Variants in COX20 observed in about 807,000 individuals in gnomAD.
COX20 encodes cytochrome c oxidase assembly factor COX20, also known as cytochrome c oxidase assembly protein COX20, mitochondrial.
A neutral mutation model predicts 14.3 loss-of-function variants in COX20; 14 were observed. The observed-to-expected ratio is 0.98, with a 90% CI of 0.65 to 1.53. The LOEUF (loss-of-function observed/expected upper bound fraction) is 1.53, where lower values mean the gene tolerates loss of function less well. Ranked by LOEUF, COX20 falls within the 40% of genes most tolerant of loss-of-function variation. The pLI is 0.00. For missense variants in COX20, 149 were observed against 142.1 expected (o/e 1.05, Z -0.25); for synonymous variants, 56 against 51.7 (o/e 1.08, Z -0.36).
At chr1:244,835,412 G>A (rs1679927090), upstream of COX20, 8 of 332,014 alleles carry the variant, frequency 2.4e-5, no homozygotes, top group South Asian at 1.1e-3. Context: ...CCCCCACCTC[G>A]CCAGGAATCT....
Position 244,844,816 on chromosome 1 carries a change from A to C in COX20, c.*1640A>C, listed in dbSNP as rs1680363914. On this transcript the variant is annotated 3_prime_UTR_variant, in exon 4 of 4. Transcript: ENST00000411948. ...GTTCAACCATGTTTTCAGAGGCCGC[A>C]CTGCATGAATGCGGGAAAATGTTGA... The C allele has an allele frequency of 6.6e-6, 1 of 152,092 alleles. No homozygotes were observed. Among genetic ancestry groups the C allele is most frequent in the African/African-American group, 2.4e-5 (1 of 41,410 alleles). 9.4% of individuals were successfully genotyped at this position (152,092 alleles called of 1,614,324 possible).
rs1010387934 is a variant in COX20 at position 244,844,999 on chromosome 1, T to G, written c.*1823T>G. On this transcript the variant is annotated 3_prime_UTR_variant, in exon 4 of 4. Coordinates refer to ENST00000411948, the MANE Select transcript of COX20 (RefSeq NM_198076.6). ...TCTACATACATTCTCCCATATACTT[T>G]AAATCATCTCTAGATTACTTATAAT... 1.2e-5 allele frequency: 2 copies of G among 162,866 alleles called. No individual in the cohort carries two copies. Among genetic ancestry groups the G allele is most frequent in the African/African-American group, 4.8e-5 (2 of 41,456 alleles). 10.1% of individuals were successfully genotyped at this position (162,866 alleles called of 1,614,324 possible).
upstream of COX20, chr1:244,835,365 G>A: frequency 4.0e-6 from 1 of 249,790 alleles, no homozygotes; most frequent in Non-Finnish European, 7.6e-6. Context: ...GGAGCAGGGG[G>A]CTGGCGCGGG....
In COX20 at chr1:244,841,981, C is replaced by T. The variant is rs1003527341; in HGVS notation, c.80C>T (p.Thr27Ile). The change falls in exon 2 of 4, where the codon ACT becomes ATT. Residue 27 changes from threonine to isoleucine, a missense_variant. Physicochemically the swap from Thr to Ile is moderately conservative, Grantham distance 89. Transcript: ENST00000411948. ...CTAGGATTTTTAGATGTTGAAAATA[C>T]TCCCTGCGCCCGGCATTCAATATTG... Reference protein sequence around the residue: ...KLLGFLDVENTPCARHSILYG... With the variant: ...KLLGFLDVENIPCARHSILYG... 2 of 1,609,666 alleles carry T rather than the reference C, an allele frequency of 1.2e-6. No individual in the cohort carries two copies. The highest frequency in any genetic ancestry group is 1.7e-5 in the Admixed American group (1 of 59,888).
At chr1:244,835,815 C>T (rs1169449854) in intron 1 of COX20, 59 bp downstream of exon 1, 3 of 1,188,672 alleles carry the variant, frequency 2.5e-6, no homozygotes, top group Non-Finnish European at 3.2e-6. Flanking sequence ...GGACGTTCTC[C>T]GCGGAGCTCC....
intron 1 of COX20, chr1:244,839,994 A>AT (rs1230694901): frequency 1.3e-5 from 2 of 152,190 alleles, no homozygotes; most frequent in African/African-American, 4.8e-5. Context: ...AGCAGCTCTT[A>AT]ATTATGAGAT....
intron 1 of COX20, among the ~76,000 whole-genome samples, chr1:244,839,014 T>A (rs536719030): frequency 6.2e-4 from 95 of 152,316 alleles, no homozygotes; most frequent in African/African-American, 2.1e-3. Flanking sequence ...GGTCTCGAAC[T>A]TCCGACCTCA....
Position 244,841,988 on chromosome 1 carries a change from C to A in COX20, c.87C>A (p.Cys29Ter), listed in dbSNP as rs140032239. 1 of 1,611,022 alleles carries A rather than the reference C, an allele frequency of 6.2e-7. No homozygotes were observed. The highest frequency in any genetic ancestry group is 8.5e-7 in the Non-Finnish European group (1 of 1,178,126). The change falls in exon 2 of 4, where the codon TGC (cysteine) becomes TGA (stop). Residue 29 changes from cysteine to a stop codon, truncating the protein, a stop_gained. Coordinates refer to ENST00000411948, the MANE Select transcript of COX20 (RefSeq NM_198076.6). LOFTEE classifies it high-confidence loss of function. ...LGFLDVENTP[C>*]ARHSILYGSL... is the part of the protein sequence containing the mutation. ...TTTTAGATGTTGAAAATACTCCCTG[C>A]GCCCGGCATTCAATATTGTATGGTT...
chr1:244,835,582 T>C, upstream of COX20: 1 of 582,512 alleles, frequency 1.7e-6, no homozygotes, highest in Non-Finnish European at 2.5e-6. Context: ...TTCCCTAAAA[T>C]GGCGGCCGGC....
At chr1:244,842,683 C>T (rs1680255837) in intron 3 of COX20, 1 of 229,454 alleles carries the variant, frequency 4.4e-6, no homozygotes, top group Non-Finnish European at 8.5e-6. Flanking sequence ...CTACAGTGAG[C>T]TATTTAAGGT....
chr1:244,836,023 G>C (rs989383057), intron 1 of COX20, among the ~76,000 whole-genome samples: 7 of 152,188 alleles, frequency 4.6e-5, no homozygotes, highest in African/African-American at 1.7e-4. Flanking sequence ...TAACAATACT[G>C]AATCTTTGGC....
At chr1:244,842,146 GTATATAACGTAAT>G in intron 2 of COX20, 36 bp from the exon 3 acceptor site, 1 of 1,459,630 alleles carries the variant, frequency 6.9e-7, no homozygotes, top group Non-Finnish European at 9.6e-7. Context: ...GTGGAGTAAT[GTATATAACGTAAT>G]TATATTCTAA....
chr1:244,836,310 C>T (rs1679981584), intron 1 of COX20, among the ~76,000 whole-genome samples: 1 of 152,162 alleles, frequency 6.6e-6, no homozygotes, highest in Non-Finnish European at 1.5e-5. Context: ...CCTTTCCAGC[C>T]TGTAAACTGG....
chr1:244,835,763 TGGGGGTCGGCGGGGCGCGCGCCGCG>T lies in COX20; in HGVS notation c.42+10_42+34del. ...TGAGCCCGAGGAGAGGAAGGTAACC[TGGGGGTCGGCGGGGCGCGCGCCGCG>T]GGTGGGCGGTGGGTAAGGACGTTCT... On this transcript the variant is annotated splice_region_variant and intron_variant, in intron 1 of 3. Coordinates refer to ENST00000411948, the MANE Select transcript of COX20 (RefSeq NM_198076.6). 1 of 1,232,396 alleles carries T rather than the reference TGGGGGTCGGCGGGGCGCGCGCCGCG, an allele frequency of 8.1e-7. No homozygotes were observed. The highest frequency in any genetic ancestry group is 1.0e-6 in the Non-Finnish European group (1 of 987,812). The allele number at this position is 1,232,396 out of a possible 1,614,324, so 76.3% of individuals were successfully genotyped here.
chr1:244,835,832 C>A, intron 1 of COX20, 76 bp downstream of exon 1: 1 of 1,089,180 alleles, frequency 9.2e-7, no homozygotes, highest in Non-Finnish European at 1.2e-6. Context: ...CTCCTAGGCC[C>A]GGAGCACGTG....
Position 244,841,926 on chromosome 1 carries a change from T to C in COX20, c.43-18T>C, listed in dbSNP as rs1558178245. ...AAATACTTTCTTACTCAATCTAGGT[T>C]CTTTTTTTTCATTCTAGTCCCTTAA... On this transcript the variant is annotated intron_variant, in intron 1 of 3. Coordinates refer to ENST00000411948, the MANE Select transcript of COX20 (RefSeq NM_198076.6). 2.1e-6 allele frequency: 3 copies of C among 1,443,870 alleles called. No individual in the cohort carries two copies. The highest frequency in any genetic ancestry group is 9.6e-7 in the Non-Finnish European group (1 of 1,043,412). 89.4% of individuals were successfully genotyped at this position (1,443,870 alleles called of 1,614,324 possible).
chr1:244,839,515 A>G (rs1328247501), intron 1 of COX20, among the ~76,000 whole-genome samples: 5 of 151,972 alleles, frequency 3.3e-5, no homozygotes, highest in Non-Finnish European at 7.4e-5. Flanking sequence ...CTTAAGGAAT[A>G]GAAGAGAAAT....
At position 244,835,690 on chromosome 1, in the gene COX20, C is replaced by T. The variant is rs533408064; in HGVS notation, c.-25C>T. 7.3e-6 allele frequency: 9 copies of T among 1,237,540 alleles called. No individual in the cohort carries two copies. The highest frequency in any genetic ancestry group is 1.6e-5 in the African/African-American group (1 of 64,116). 76.7% of individuals were successfully genotyped at this position (1,237,540 alleles called of 1,614,324 possible). On this transcript the variant is annotated 5_prime_UTR_variant, in exon 1 of 4. Transcript: ENST00000411948. ...CTTCCGCGACCCCGGCGGTGCAGGG[C>T]GGGTGGAGTCGCGGAGTAGTCCTCA...
At position 244,842,075 on chromosome 1, in the gene COX20, T is replaced by C. The variant is rs201863643; in HGVS notation, c.157+17T>C. Reference sequence around the variant, plus strand: ...TGTTCACTAGTGAGTATCTGTATTTTTTATTTCTCTATGTACTAAAAAAAG... The same window carrying C: ...TGTTCACTAGTGAGTATCTGTATTTCTTATTTCTCTATGTACTAAAAAAAG... On this transcript the variant is annotated intron_variant, in intron 2 of 3. Coordinates refer to ENST00000411948, the MANE Select transcript of COX20 (RefSeq NM_198076.6). The C allele has an allele frequency of 1.1e-4, 174 of 1,565,072 alleles. 1 individual carries two copies. The African/African-American group carries it at 2.2e-3, about 20-fold the overall frequency.
Sources: gnomAD v4.1 joint callset for allele counts (sites outside exome capture counted in the v4.1 genomes callset) on GRCh38, gnomAD v4.1.1 for gene constraint, MANE v1.5 for transcripts, NCBI Gene and HGNC (gene_info 2026-07-23, HGNC 2026-07-21) for gene names.